GABBR2: variants seen among roughly 807,000 people sequenced by gnomAD.
GABBR2 encodes the protein G-protein coupled receptor 51.
GABBR2 carries 23 observed loss-of-function variants against 105.6 expected under a neutral mutation model. The ratio of observed to expected loss-of-function variants is 0.22; its 90% confidence interval spans 0.16 to 0.31. The LOEUF is 0.31. Among genes scored for constraint, GABBR2 ranks in the 10% least tolerant of loss-of-function variants. The pLI, the probability that GABBR2 is intolerant of heterozygous loss-of-function variation, is 1.00. For synonymous variants in GABBR2, 478 were observed against 499.7 expected (o/e 0.96, Z 0.58); for missense variants, 734 against 1,245.5 (o/e 0.59, Z 6.18).
At chr9:98,393,331 G>GCATCCACCCAACCATCCATCCATCCATC in intron 9 of GABBR2, among the ~76,000 whole-genome samples, 2 of 85,480 alleles carry the variant, frequency 2.3e-5, no homozygotes, top group Non-Finnish European at 4.3e-5. Context: ...ACCCATCCAG[G>GCATCCACCCAACCATCCATCCATCCATC]CATCCACCCA....
rs564377336 is a variant in GABBR2, at chr9:98,606,959, G to C, written c.322-28887C>G. The C allele has an allele frequency of 3.2e-4, 240 of 745,692 alleles. No individual in the cohort carries two copies. The African/African-American group carries it at 3.3e-3, about 10-fold the overall frequency. 46.2% of individuals were successfully genotyped at this position (745,692 alleles called of 1,614,324 possible). The stretch of plus-strand genomic sequence containing the variant: ...CTTCTTCCTGCTTGCCCGCGGCTCC[G>C]CCTGCATCCAAACCGCTGCTCGCCC... On this transcript the variant is annotated intron_variant, in intron 1 of 18. Transcript: ENST00000259455.
chr9:98,397,235 G>A (rs528865573), intron 8 of GABBR2, among the ~76,000 whole-genome samples: 1 of 152,334 alleles, frequency 6.6e-6, no homozygotes, highest in East Asian at 1.9e-4. Flanking sequence ...ACTGCAGGTG[G>A]TGGGAAGTTA....
At chr9:98,319,364 C>T (rs1211909426) in intron 13 of GABBR2, among the ~76,000 whole-genome samples, 7 of 152,166 alleles carry the variant, frequency 4.6e-5, no homozygotes, top group African/African-American at 1.4e-4. Flanking sequence ...ACAGCAGCAG[C>T]CCCGCACCTC....
At chr9:98,517,180 C>T (rs1827773251) in intron 3 of GABBR2, among the ~76,000 whole-genome samples, 1 of 152,214 alleles carries the variant, frequency 6.6e-6, no homozygotes. Context: ...CAGTGACTGG[C>T]CCAGCCTTCT....
At chr9:98,371,396 G>C (rs1034972676) in intron 12 of GABBR2, 68 bp downstream of exon 12, 18 of 850,702 alleles carry the variant, frequency 2.1e-5, no homozygotes, top group Non-Finnish European at 3.2e-5. Flanking sequence ...CTGGAATATA[G>C]TATATACTTG....
At chr9:98,339,035 T>C (rs1831163511) in intron 13 of GABBR2, among the ~76,000 whole-genome samples, 1 of 152,180 alleles carries the variant, frequency 6.6e-6, no homozygotes, top group Non-Finnish European at 1.5e-5. Flanking sequence ...GTCCATAGAT[T>C]GTTTGATTCC....
chr9:98,648,103 G>A (rs1830052417), intron 1 of GABBR2, among the ~76,000 whole-genome samples: 2 of 84,750 alleles, frequency 2.4e-5, no homozygotes, highest in African/African-American at 4.8e-5. Context: ...GTGTGTGTGT[G>A]TGTGTGTGTG....
At chr9:98,605,163 G>A (rs1829396201) in intron 1 of GABBR2, among the ~76,000 whole-genome samples, 1 of 152,234 alleles carries the variant, frequency 6.6e-6, no homozygotes, top group African/African-American at 2.4e-5. Flanking sequence ...TCCTTCTGTT[G>A]AGGCCTCCAC....
At chr9:98,607,954 A>G in intron 1 of GABBR2, 1 of 1,335,414 alleles carries the variant, frequency 7.5e-7, no homozygotes, top group Non-Finnish European at 1.1e-6. Flanking sequence ...TCTGAAGCTG[A>G]GCTCCAGCGG....
intron 13 of GABBR2, among the ~76,000 whole-genome samples, chr9:98,362,245 T>A (rs1831598225): frequency 6.6e-6 from 1 of 152,224 alleles, no homozygotes; most frequent in Non-Finnish European, 1.5e-5. Context: ...TTAACAGTAC[T>A]TTTATGTGAG....
At chr9:98,682,720 A>G (rs547629035) in intron 1 of GABBR2, among the ~76,000 whole-genome samples, 30 of 152,168 alleles carry the variant, frequency 2.0e-4, no homozygotes, top group Non-Finnish European at 3.8e-4. Context: ...TTCACAAATC[A>G]GCAAGAAAGA....
At chr9:98,675,273 T>C (rs1056181847) in intron 1 of GABBR2, among the ~76,000 whole-genome samples, 4 of 152,030 alleles carry the variant, frequency 2.6e-5, no homozygotes, top group African/African-American at 7.2e-5. Context: ...GGAGCCACCA[T>C]GGATGGAAGA....
intron 1 of GABBR2, among the ~76,000 whole-genome samples, chr9:98,706,538 C>A (rs917238145): frequency 1.3e-5 from 2 of 152,202 alleles, no homozygotes; most frequent in Non-Finnish European, 2.9e-5. Flanking sequence ...TCCTTTCACT[C>A]AGAAAGTCAT....
intron 8 of GABBR2, among the ~76,000 whole-genome samples, chr9:98,397,677 C>A (rs916385997): frequency 4.6e-5 from 7 of 152,146 alleles, no homozygotes; most frequent in African/African-American, 1.2e-4. Context: ...AGGTGGCTTT[C>A]CCTCCCTTTA....
intron 10 of GABBR2, among the ~76,000 whole-genome samples, chr9:98,386,026 T>A (rs1273004202): frequency 6.6e-6 from 1 of 152,120 alleles, no homozygotes; most frequent in Non-Finnish European, 1.5e-5. Flanking sequence ...AGCTCTGGTT[T>A]CCTCTACCCT....
chr9:98,533,114 A>G (rs1827827685), intron 3 of GABBR2, among the ~76,000 whole-genome samples: 1 of 151,756 alleles, frequency 6.6e-6, no homozygotes, highest in South Asian at 2.1e-4. Flanking sequence ...AGACTTGCTG[A>G]CTCTGCCAGA....
intron 1 of GABBR2, among the ~76,000 whole-genome samples, chr9:98,698,234 C>T (rs549883728): frequency 2.0e-5 from 3 of 152,244 alleles, no homozygotes; most frequent in East Asian, 1.9e-4. Flanking sequence ...GGTCTGCTTC[C>T]GCCAGCAGCT....
chr9:98,597,291 T>C (rs2151215), intron 1 of GABBR2, among the ~76,000 whole-genome samples: 70,439 of 152,076 alleles, frequency 0.46, 16,954 homozygotes, highest in East Asian at 0.68. Context: ...GGGAACTTTG[T>C]GATCACAAAC....
chr9:98,465,189 T>C lies in GABBR2; in HGVS notation c.999+7957A>G, dbSNP rs554842905. ...AAATGCTTATTAAATAAACAATCAATACGTGATGTGAAAAAAAAAGTTTAG... is the reference window on the plus strand; with the variant it reads ...AAATGCTTATTAAATAAACAATCAACACGTGATGTGAAAAAAAAAGTTTAG... On this transcript the variant is annotated intron_variant, in intron 6 of 18. Transcript: ENST00000259455. 3.0e-5 allele frequency among the ~76,000 whole-genome samples: 3 copies of C among 100,534 alleles called. No homozygotes were observed. The South Asian group carries it at 9.6e-4, about 32-fold the overall frequency. The allele number at this position is 100,534 out of a possible 152,430, so 66.0% of individuals were successfully genotyped here. A position where few individuals can be genotyped will look rare whatever the true frequency, so the allele number is the denominator to read the frequency against.
Sources: allele counts gnomAD v4.1 joint callset (sites outside exome capture counted in the v4.1 genomes callset), GRCh38; gene constraint gnomAD v4.1.1; transcripts MANE v1.5; gene names NCBI Gene and HGNC (gene_info 2026-07-23, HGNC 2026-07-21).